Variants in SLC3A2 observed in about 807,000 individuals in gnomAD.
SLC3A2 encodes amino acid transporter heavy chain SLC3A2.
In SLC3A2, 32 loss-of-function variants were observed where a neutral mutation model predicts 48.5. That is an observed-to-expected ratio of 0.66 (90% CI 0.50 to 0.89). The LOEUF is 0.89. Ranked by LOEUF, SLC3A2 falls within the 40% of genes least tolerant of loss-of-function variation. SLC3A2 has a pLI of 0.00. For synonymous variants in SLC3A2, 277 were observed against 288.8 expected (o/e 0.96, Z 0.41); for missense variants, 587 against 680.7 (o/e 0.86, Z 1.53).
chr11:62,876,433 GA>G (rs1428617671), upstream of SLC3A2, among the ~76,000 whole-genome samples: 9 of 152,010 alleles, frequency 5.9e-5, no homozygotes, highest in East Asian at 1.7e-3. Flanking sequence ...CTAAATTCTT[GA>G]AAAATTATAT....
chr11:62,876,409 C>T (rs967225998), upstream of SLC3A2, among the ~76,000 whole-genome samples: 1 of 152,090 alleles, frequency 6.6e-6, no homozygotes, highest in Non-Finnish European at 1.5e-5. Context: ...CTTTGCCCAG[C>T]CTTCTCTTGA....
chr11:62,876,250 TG>T (rs1331226484), upstream of SLC3A2, among the ~76,000 whole-genome samples: 1 of 152,184 alleles, frequency 6.6e-6, no homozygotes, highest in Non-Finnish European at 1.5e-5. Context: ...AGGAAGCATG[TG>T]ACATGGATTT....
At chr11:62,860,512 G>T (rs547283342) in intron 1 of SLC3A2, among the ~76,000 whole-genome samples, 18 of 151,734 alleles carry the variant, frequency 1.2e-4, no homozygotes, top group Admixed American at 1.0e-3. Flanking sequence ...GCCATAAGGC[G>T]GTTTTCTCCT....
At chr11:62,882,390 T>C in intron 2 of SLC3A2, 1 of 327,314 alleles carries the variant, frequency 3.1e-6, no homozygotes, top group South Asian at 3.5e-5. Context: ...AATATTGTTT[T>C]ACGACTCGAT....
intron 1 of SLC3A2, among the ~76,000 whole-genome samples, chr11:62,872,714 T>C (rs1246022078): frequency 2.6e-5 from 4 of 152,244 alleles, no homozygotes; most frequent in African/African-American, 9.6e-5. Context: ...GTGATTCTCC[T>C]GCCTTATTCT....
At chr11:62,871,340 G>A (rs1344095491) in intron 1 of SLC3A2, among the ~76,000 whole-genome samples, 1 of 150,448 alleles carries the variant, frequency 6.6e-6, no homozygotes, top group Non-Finnish European at 1.5e-5. Flanking sequence ...CCAGGTTCAA[G>A]CAATTCTCCT....
intron 1 of SLC3A2, among the ~76,000 whole-genome samples, chr11:62,859,775 C>A (rs564672055): frequency 6.6e-6 from 1 of 151,718 alleles, no homozygotes; most frequent in Non-Finnish European, 1.5e-5. Context: ...GACATAGAAT[C>A]TACTAGAAAA....
At chr11:62,867,726 CCACCT>C (rs2085468771) in intron 1 of SLC3A2, among the ~76,000 whole-genome samples, 1 of 151,934 alleles carries the variant, frequency 6.6e-6, no homozygotes, top group Non-Finnish European at 1.5e-5. Flanking sequence ...AACAATCCTC[CCACCT>C]CAGCCTTTCA....
chr11:62,875,484 T>G (rs1054243427), intron 1 of SLC3A2, among the ~76,000 whole-genome samples: 1 of 152,222 alleles, frequency 6.6e-6, no homozygotes, highest in Admixed American at 6.5e-5. Flanking sequence ...TGTAGTGAGC[T>G]GAGATCGCAC....
In SLC3A2 at chr11:62,881,250, G is replaced by C. The variant is rs1369261007; in HGVS notation, c.227G>C (p.Gly76Ala). The change falls in exon 1 of 9, where the codon GGC becomes GCC. Residue 76 changes from glycine to alanine, a missense_variant. Physicochemically the swap from Gly to Ala is moderately conservative, Grantham distance 60. Around this residue, in one of 3 missense-constraint regions of SLC3A2, gnomAD observed 409 missense variants for 446.7 expected, o/e 0.92. Transcript: ENST00000338663. This position sits in a 1 kb window ranked among gnomAD's most constrained non-coding sequence, Gnocchi z 4.0. ...EELLKVAGSP[G>A]WVRTRWALLL... ...CTGCTGAAGGTGGCAGGCAGCCCCG[G>C]CTGGGTACGCACCCGCTGGGCACTG... 2 of 1,584,272 alleles carry C rather than the reference G, an allele frequency of 1.3e-6. No homozygotes were observed. Among genetic ancestry groups the C allele is most frequent in the Admixed American group, 1.9e-5 (1 of 53,770 alleles).
chr11:62,881,545 C>T lies in SLC3A2; in HGVS notation c.424+98C>T, dbSNP rs368011183. On this transcript the variant is annotated intron_variant, in intron 1 of 8. Coordinates refer to ENST00000338663, the MANE Select transcript of SLC3A2 (RefSeq NM_001013251.3). This position sits in a 1 kb window ranked among gnomAD's most constrained non-coding sequence, Gnocchi z 4.0. ...CCCCAGACGGATCTAGATGGTTCTT[C>T]CCTCCATCCCGTACCGACGACTGTT... is the stretch of plus-strand genomic sequence containing the variant. The T allele has an allele frequency of 1.2e-4, 174 of 1,444,322 alleles. 1 individual carries two copies. In the East Asian group the frequency reaches 3.1e-3, roughly 26 times the overall value. 89.5% of individuals were successfully genotyped at this position (1,444,322 alleles called of 1,614,324 possible). A position where few individuals can be genotyped will look rare whatever the true frequency, so the allele number is the denominator to read the frequency against.
upstream of SLC3A2, among the ~76,000 whole-genome samples, chr11:62,878,178 A>G (rs186795019): frequency 6.6e-6 from 1 of 151,906 alleles, no homozygotes; most frequent in East Asian, 1.9e-4. Flanking sequence ...AAAACAAAAA[A>G]CAAAAGGAAT....
At chr11:62,882,851 T>C in intron 2 of SLC3A2, 57 bp from the exon 3 acceptor site, 1 of 1,391,564 alleles carries the variant, frequency 7.2e-7, no homozygotes, top group Non-Finnish European at 1.0e-6. Context: ...TGTGATTTCC[T>C]TATTTTCCCT....
intron 1 of SLC3A2, among the ~76,000 whole-genome samples, chr11:62,875,361 A>C (rs371619271): frequency 6.6e-6 from 1 of 152,132 alleles, no homozygotes; most frequent in Non-Finnish European, 1.5e-5. Flanking sequence ...CCTGGCTAAC[A>C]TGGTGAAACC....
intron 1 of SLC3A2, among the ~76,000 whole-genome samples, chr11:62,871,135 G>T (rs1302649831): frequency 6.6e-6 from 1 of 151,486 alleles, no homozygotes; most frequent in African/African-American, 2.4e-5. Flanking sequence ...GCCTGCCTTG[G>T]CCTCCCAAAG....
rs2085635917 is a variant in SLC3A2 at position 62,881,361 on chromosome 11, C to T, written c.338C>T (p.Pro113Leu). ...CGAGCGCCGCGTTGTCGCGAGCTACCGGCGCAGAAGTGGTGGCACACGGGC... is the reference window on the plus strand; with the variant it reads ...CGAGCGCCGCGTTGTCGCGAGCTACTGGCGCAGAAGTGGTGGCACACGGGC... ...IVRAPRCREL[P>L]AQKWWHTGAL... Residue 113 changes from proline to leucine, a missense_variant, in exon 1 of 9, where the codon CCG (proline) becomes CTG (leucine). Physicochemically the swap from Pro to Leu is moderately conservative, Grantham distance 98. This residue lies in a region of SLC3A2 where 409 missense variants were observed against 446.7 expected (regional missense o/e 0.92). Transcript: ENST00000338663. This position sits in a 1 kb window ranked among gnomAD's most constrained non-coding sequence, Gnocchi z 4.0. 4.4e-6 allele frequency: 7 copies of T among 1,597,050 alleles called. No individual in the cohort carries two copies. Among genetic ancestry groups the T allele is most frequent in the African/African-American group, 1.3e-5 (1 of 74,698 alleles).
At chr11:62,856,233 C>G in exon 1 of SLC3A2, 1 of 1,548,678 alleles carries the variant, frequency 6.5e-7, no homozygotes, top group Non-Finnish European at 8.9e-7. Flanking sequence ...CTGCCCCTTG[C>G]CCACACACCC....
Position 62,885,590 on chromosome 11 carries a change from A to G in SLC3A2, c.1125A>G (p.Ala375=), listed in dbSNP as rs771248143. The part of the protein sequence containing the change: ...FSYGDEIGLD[A]AALPGQPMEA... Reference sequence around the variant, plus strand: ...ACGGGGATGAGATTGGCCTGGATGCAGCTGCCCTTCCTGGACAGGTACTGC... The same window carrying G: ...ACGGGGATGAGATTGGCCTGGATGCGGCTGCCCTTCCTGGACAGGTACTGC... Residue 375 remains alanine, a synonymous_variant, in exon 7 of 9, where the codon GCA becomes GCG. Transcript: ENST00000338663. The G allele has an allele frequency of 5.0e-6, 8 of 1,614,176 alleles. No homozygotes were observed. In the South Asian group the frequency reaches 8.8e-5, roughly 18 times the overall value.
Position 62,881,194 on chromosome 11 carries a change from G to C in SLC3A2, c.171G>C (p.Ala57=). ...VAEDEAEAAA[A]AKFTGLSKEE... ...AAGACGAGGCGGAGGCGGCAGCCGC[G>C]GCTAAGTTCACGGGCCTGTCCAAGG... Residue 57 remains alanine, a synonymous_variant, in exon 1 of 9, where the codon GCG becomes GCC. Transcript: ENST00000338663. This position sits in a 1 kb window ranked among gnomAD's most constrained non-coding sequence, Gnocchi z 4.0. 6.3e-7 allele frequency: 1 copy of C among 1,593,016 alleles called. No homozygotes were observed. Among genetic ancestry groups the C allele is most frequent in the Non-Finnish European group, 8.5e-7 (1 of 1,171,752 alleles).
Sources: gnomAD v4.1 joint callset for allele counts (sites outside exome capture counted in the v4.1 genomes callset) on GRCh38, gnomAD v4.1.1 for gene constraint, gnomAD v4.1.1 regional missense constraint, Gnocchi (gnomAD v3.1) non-coding constraint, MANE v1.5 for transcripts, NCBI Gene and HGNC (gene_info 2026-07-23, HGNC 2026-07-21) for gene names.